MYLIP: variants seen among roughly 807,000 people sequenced by gnomAD.
MYLIP encodes myosin regulatory light chain interacting protein, also known as E3 ubiquitin-protein ligase MYLIP.
In MYLIP, 26 loss-of-function variants were observed where a neutral mutation model predicts 45.8. The observed-to-expected ratio is 0.57, with a 90% CI of 0.42 to 0.79. The LOEUF (loss-of-function observed/expected upper bound fraction) is 0.79, where lower values mean the gene tolerates loss of function less well. MYLIP is among the 30% of genes least tolerant of loss of function. The probability of loss-of-function intolerance (pLI) is 0.00; values close to 1 mark genes in which losing one functional copy is unlikely to be tolerated. For missense variants in MYLIP, 494 were observed against 555.6 expected (o/e 0.89, Z 1.11); for synonymous variants, 213 against 218.1 (o/e 0.98, Z 0.21).
chr6:16,144,541 G>A (rs1451805935), intron 5 of MYLIP, among the ~76,000 whole-genome samples: 1 of 152,160 alleles, frequency 6.6e-6, no homozygotes, highest in African/African-American at 2.4e-5. Context: ...CACAAATTGT[G>A]AAACAGGATG....
At chr6:16,163,217 T>A in the MYLIP span, among the ~76,000 whole-genome samples, 2 of 152,202 alleles carry the variant, frequency 1.3e-5, no homozygotes, top group African/African-American at 4.8e-5. Flanking sequence ...TTATTTGATT[T>A]TCCTATTACC....
chr6:16,138,065 C>A (rs1037393101), intron 2 of MYLIP, among the ~76,000 whole-genome samples: 1 of 152,076 alleles, frequency 6.6e-6, no homozygotes, highest in Non-Finnish European at 1.5e-5. Context: ...GAAGGTATAA[C>A]CCGAAGAATG....
Position 16,143,865 on chromosome 6 carries a change from C to T in MYLIP, c.827+2C>T, listed in dbSNP as rs868222035. ...AACAGAGACGCACGCATTCTACAGG[C>T]ACGTATCTCGTGTGCTTGGTCACCT... On this transcript the variant is annotated splice_donor_variant, in intron 5 of 6. Coordinates refer to ENST00000356840, the MANE Select transcript of MYLIP (RefSeq NM_013262.4). LOFTEE classifies it low-confidence loss of function (GC_TO_GT_DONOR). 1 of 1,611,944 alleles carries T rather than the reference C, an allele frequency of 6.2e-7. No homozygotes were observed. Among genetic ancestry groups the T allele is most frequent in the Middle Eastern group, 1.7e-4 (1 of 5,904 alleles).
intron 2 of MYLIP, among the ~76,000 whole-genome samples, chr6:16,135,057 A>G (rs1248814530): frequency 2.0e-4 from 30 of 152,150 alleles, no homozygotes. Flanking sequence ...ATGGTGTCCC[A>G]CTGTGGCCTG....
Position 16,145,094 on chromosome 6 carries a change from A to G in MYLIP, c.1025A>G (p.Asn342Ser), listed in dbSNP as rs9370867. The change falls in exon 6 of 7, where the codon AAC becomes AGC. Residue 342 changes from asparagine (N) to serine (S), a missense_variant. Coordinates refer to ENST00000356840, the MANE Select transcript of MYLIP (RefSeq NM_013262.4). ...NAGVVDLVSRNNQSPSHSPLK... is the reference protein window; with the variant it reads ...NAGVVDLVSRSNQSPSHSPLK... ...GGCGTTGTGGACCTCGTTTCAAGAAACAACCAGAGCCCTTCACACTCGCCT... is the reference window on the plus strand; with the variant it reads ...GGCGTTGTGGACCTCGTTTCAAGAAGCAACCAGAGCCCTTCACACTCGCCT... The G allele has an allele frequency of 0.53, 848,467 of 1,613,978 alleles. 237,883 individuals are homozygous for G. The highest frequency in any genetic ancestry group is 0.96 in the East Asian group (43,270 of 44,870).
Position 16,146,827 on chromosome 6 carries a change from G to A in MYLIP, c.*76G>A. 2 of 1,279,076 alleles carry A rather than the reference G, an allele frequency of 1.6e-6. No individual in the cohort carries two copies. Among genetic ancestry groups the A allele is most frequent in the Non-Finnish European group, 2.2e-6 (2 of 914,298 alleles). 79.2% of individuals were successfully genotyped at this position (1,279,076 alleles called of 1,614,324 possible). ...TAAACTATTAAAATGATAGATTGTGGAGAAAGTAATTATTCCAACACCCAT... is the reference window on the plus strand; with the variant it reads ...TAAACTATTAAAATGATAGATTGTGAAGAAAGTAATTATTCCAACACCCAT... On this transcript the variant is annotated 3_prime_UTR_variant, in exon 7 of 7. Transcript: ENST00000356840.
chr6:16,151,314 G>A (rs1412684651), downstream of MYLIP, among the ~76,000 whole-genome samples: 6 of 151,368 alleles, frequency 4.0e-5, no homozygotes, highest in African/African-American at 1.2e-4. Context: ...CCGAGATCGC[G>A]CCACTGCACT....
chr6:16,141,851 G>T (rs768346452), intron 3 of MYLIP, 41 bp downstream of exon 3: 1 of 1,511,060 alleles, frequency 6.6e-7, no homozygotes, highest in South Asian at 1.3e-5. Flanking sequence ...ACTAGAATAG[G>T]CTTAAACAGG....
intron 2 of MYLIP, among the ~76,000 whole-genome samples, chr6:16,139,588 A>G (rs1253230694): frequency 6.6e-6 from 1 of 152,224 alleles, no homozygotes; most frequent in Non-Finnish European, 1.5e-5. Context: ...AGTTTATCAA[A>G]TGGTCATCTA....
chr6:16,146,608 G>T, intron 6 of MYLIP, 54 bp from the exon 7 acceptor site: 1 of 1,426,170 alleles, frequency 7.0e-7, no homozygotes, highest in Non-Finnish European at 9.8e-7. Flanking sequence ...CAGAGACACA[G>T]GCCCCCCACC....
chr6:16,160,445 C>T, the MYLIP span, among the ~76,000 whole-genome samples: 7 of 152,130 alleles, frequency 4.6e-5, no homozygotes, highest in African/African-American at 1.7e-4. Flanking sequence ...ATCGGGAATT[C>T]GATTCCTCCT....
rs1007636368 is a variant in MYLIP, at chr6:16,147,204, A to G, written c.*453A>G. ...TTTGTATGGTCATGGAGCTCCAACC[A>G]TTTTTAATAGGAAAGTCTTTTGTAA... On this transcript the variant is annotated 3_prime_UTR_variant, in exon 7 of 7. Transcript: ENST00000356840. The G allele has an allele frequency of 3.9e-5, 6 of 154,104 alleles. No homozygotes were observed. Among genetic ancestry groups the G allele is most frequent in the African/African-American group, 1.4e-4 (6 of 41,448 alleles). The allele number at this position is 154,104 out of a possible 1,614,324, so 9.5% of individuals were successfully genotyped here.
In MYLIP at chr6:16,129,122, C is replaced by T. The variant is rs1197597919; in HGVS notation, c.-201C>T. On this transcript the variant is annotated 5_prime_UTR_variant, in exon 1 of 7. Coordinates refer to ENST00000356840, the MANE Select transcript of MYLIP (RefSeq NM_013262.4). The surrounding 1 kb of genome is among the most constrained non-coding windows in gnomAD (Gnocchi z 5.1). ...TGGAGTGCGGCGCCACCGCGGAGGA[C>T]AGGGGCAGCTGGCGGGCAGCGGGTG... The T allele has an allele frequency of 1.0e-5, 6 of 578,654 alleles. No homozygotes were observed. Among genetic ancestry groups the T allele is most frequent in the African/African-American group, 3.9e-5 (2 of 50,816 alleles). 35.8% of individuals were successfully genotyped at this position (578,654 alleles called of 1,614,324 possible).
chr6:16,157,464 A>G, the MYLIP span, among the ~76,000 whole-genome samples: 1 of 152,240 alleles, frequency 6.6e-6, no homozygotes, highest in Admixed American at 6.5e-5. Context: ...TCTTCCAGAA[A>G]GTATAAAAAT....
At chr6:16,142,363 A>G (rs1469314544) in intron 3 of MYLIP, among the ~76,000 whole-genome samples, 2 of 152,270 alleles carry the variant, frequency 1.3e-5, no homozygotes, top group Non-Finnish European at 1.5e-5. Flanking sequence ...TAAAAAATCT[A>G]TTATGTATAT....
the MYLIP span, among the ~76,000 whole-genome samples, chr6:16,162,508 T>C: frequency 1.3e-5 from 2 of 152,128 alleles, no homozygotes; most frequent in East Asian, 1.9e-4. Context: ...AACCAACATA[T>C]AGTTAAAAAT....
the MYLIP span, among the ~76,000 whole-genome samples, chr6:16,154,526 C>T: frequency 0.014 from 2,130 of 152,260 alleles, 58 homozygotes; most frequent in African/African-American, 0.049. Context: ...AGGAGTCACA[C>T]GCAGGGCTCC....
downstream of MYLIP, among the ~76,000 whole-genome samples, chr6:16,148,591 AAAG>A (rs1159045842): frequency 6.6e-6 from 1 of 152,186 alleles, no homozygotes; most frequent in Non-Finnish European, 1.5e-5. Context: ...AAGCAGATGA[AAAG>A]AAAAAATCAG....
chr6:16,136,175 G>C (rs1759552491), intron 2 of MYLIP, among the ~76,000 whole-genome samples: 1 of 151,984 alleles, frequency 6.6e-6, no homozygotes, highest in African/African-American at 2.4e-5. Context: ...TCAAAATTTA[G>C]AACATTATCA....
Sources: gnomAD v4.1 joint callset for allele counts (sites outside exome capture counted in the v4.1 genomes callset) on GRCh38, gnomAD v4.1.1 for gene constraint, Gnocchi (gnomAD v3.1) non-coding constraint, MANE v1.5 for transcripts, NCBI Gene and HGNC (gene_info 2026-07-23, HGNC 2026-07-21) for gene names.